The following OTULINL variants were observed in gnomAD, a reference collection of about 807,000 sequenced individuals.
OTULINL encodes the protein inactive ubiquitin thioesterase OTULINL.
A neutral mutation model predicts 43.9 loss-of-function variants in OTULINL; 42 were observed. That is an observed-to-expected ratio of 0.96 (90% CI 0.75 to 1.24). The LOEUF (loss-of-function observed/expected upper bound fraction) is 1.24. OTULINL is among the 50% of genes most tolerant of loss of function. OTULINL has a pLI of 0.00. For missense variants in OTULINL, 411 were observed against 426.4 expected (o/e 0.96, Z 0.32); for synonymous variants, 172 against 153.6 (o/e 1.12, Z -0.88).
At chr5:14,582,931 C>A (rs1250823438) in intron 1 of OTULINL, among the ~76,000 whole-genome samples, 1 of 151,950 alleles carries the variant, frequency 6.6e-6, no homozygotes, top group Non-Finnish European at 1.5e-5. Context: ...GGGGTCCTCT[C>A]CTAACCAGCC....
chr5:14,595,090 C>T (rs1227273591), intron 1 of OTULINL, among the ~76,000 whole-genome samples: 4 of 152,158 alleles, frequency 2.6e-5, no homozygotes, highest in African/African-American at 7.2e-5. Context: ...ACTTTCTCTG[C>T]GACCTCAGAC....
At chr5:14,602,358 G>C in intron 5 of OTULINL, 26 bp downstream of exon 5, 2 of 1,604,300 alleles carry the variant, frequency 1.2e-6, no homozygotes, top group Non-Finnish European at 1.7e-6. Flanking sequence ...GGAAATGTGG[G>C]AAATGTCATG....
chr5:14,604,161 A>G (rs1174615005), intron 5 of OTULINL, among the ~76,000 whole-genome samples: 1 of 152,150 alleles, frequency 6.6e-6, no homozygotes, highest in African/African-American at 2.4e-5. Flanking sequence ...GCAAGACTCC[A>G]TCTTGCCAAA....
At chr5:14,602,145 T>C in intron 4 of OTULINL, 38 bp from the exon 5 acceptor site, 1 of 1,506,250 alleles carries the variant, frequency 6.6e-7, no homozygotes, top group South Asian at 1.3e-5. Flanking sequence ...TCTTGTCCAG[T>C]GGAATTAATA....
At chr5:14,599,911 A>G (rs1210398637) in intron 1 of OTULINL, among the ~76,000 whole-genome samples, 2 of 152,208 alleles carry the variant, frequency 1.3e-5, no homozygotes, top group Admixed American at 1.3e-4. Flanking sequence ...TAAGTGGTCT[A>G]CTTTCTGGAA....
intron 1 of OTULINL, among the ~76,000 whole-genome samples, chr5:14,594,211 C>T (rs941829075): frequency 2.6e-5 from 4 of 152,188 alleles, no homozygotes; most frequent in African/African-American, 9.7e-5. Context: ...CACTGCTGTG[C>T]TAACTTCTAG....
chr5:14,595,779 C>G (rs1219671949), intron 1 of OTULINL, among the ~76,000 whole-genome samples: 1 of 150,218 alleles, frequency 6.7e-6, no homozygotes, highest in Non-Finnish European at 1.5e-5. Context: ...GGTATAATTC[C>G]TCTAGGACAT....
chr5:14,614,670 A>T lies in OTULINL; in HGVS notation c.*4356A>T, dbSNP rs1185199325. 5.0e-6 allele frequency: 2 copies of T among 398,512 alleles called. No homozygotes were observed. The highest frequency in any genetic ancestry group is 8.8e-6 in the Non-Finnish European group (2 of 226,080). The allele number at this position is 398,512 out of a possible 1,614,324, so 24.7% of individuals were successfully genotyped here. A position where few individuals can be genotyped will look rare whatever the true frequency, so the allele number is the denominator to read the frequency against. ...TGTAGAACAGCCCGAAGTGTACACC[A>T]TGTCTCTGCACTTGAAGCTCATGGA... is the stretch of plus-strand genomic sequence containing the variant. On this transcript the variant is annotated 3_prime_UTR_variant, in exon 8 of 8. Transcript: ENST00000274217.
rs147638983 is a variant in OTULINL at position 14,609,302 on chromosome 5, C to T, written c.897+285C>T. Among the ~76,000 whole-genome samples, 200 of 152,254 alleles carry T rather than the reference C, an allele frequency of 1.3e-3. 2 individuals carry two copies. The highest frequency in any genetic ancestry group is 4.7e-3 in the African/African-American group (194 of 41,562). On this transcript the variant is annotated intron_variant, in intron 7 of 7. Transcript: ENST00000274217. ...ATGCCAACAGGTTCTCTCACATAGA[C>T]GTTCACCAGGAAAAAGTCCAGGTGG... is the stretch of plus-strand genomic sequence containing the variant.
rs892695664 is a variant in OTULINL at position 14,608,783 on chromosome 5, G to A, written c.663G>A (p.Lys221=). The A allele has an allele frequency of 3.1e-6, 5 of 1,611,800 alleles. No homozygotes were observed. In the African/African-American group the frequency reaches 6.7e-5, roughly 22 times the overall value. ...TEFNGIRDYH[K]RGSMCNTLFS... ...TTAATGGCATTAGAGATTATCACAA[G>A]AGAGGAAGTATGTGCAACACCCTTT... The change falls in exon 7 of 8, where the codon AAG becomes AAA. Residue 221 remains lysine (K), a synonymous_variant. Coordinates refer to ENST00000274217, the MANE Select transcript of OTULINL (RefSeq NM_019018.3).
chr5:14,610,131 T>C lies in OTULINL; in HGVS notation c.898-10T>C. 6.2e-7 allele frequency: 1 copy of C among 1,608,570 alleles called. No individual in the cohort carries two copies. Among genetic ancestry groups the C allele is most frequent in the Admixed American group, 1.7e-5 (1 of 59,910 alleles). On this transcript the variant is annotated splice_polypyrimidine_tract_variant and intron_variant, in intron 7 of 7. Coordinates refer to ENST00000274217, the MANE Select transcript of OTULINL (RefSeq NM_019018.3). ...GTGTATCTGTGACCTGTCTTTCATC[T>C]CATCCACAGATTGATATGTTTATAC...
chr5:14,582,884 G>T (rs1377996292), intron 1 of OTULINL, among the ~76,000 whole-genome samples: 1 of 151,438 alleles, frequency 6.6e-6, no homozygotes, highest in Non-Finnish European at 1.5e-5. Context: ...TCAGTCAGGT[G>T]CTGGGTCTCG....
At position 14,614,076 on chromosome 5, in the gene OTULINL, G is replaced by A. The variant is rs1323560986; in HGVS notation, c.*3762G>A. ...TATATGCAAGCATGAATAAAGGGTT[G>A]ACTAATTCCAGAATTAGCAATAATT... On this transcript the variant is annotated 3_prime_UTR_variant, in exon 8 of 8. Coordinates refer to ENST00000274217, the MANE Select transcript of OTULINL (RefSeq NM_019018.3). Among the ~76,000 whole-genome samples the A allele has an allele frequency of 2.6e-5, 4 of 152,148 alleles. No individual in the cohort carries two copies. Among genetic ancestry groups the A allele is most frequent in the Non-Finnish European group, 5.9e-5 (4 of 68,018 alleles).
Position 14,581,842 on chromosome 5 carries a change from G to A in OTULINL, c.-53G>A. ...CGGCGGGCGGCCGTCGCGTCTGACAGACCACTGCAGACCACGGGCCGAGGC... is the reference window on the plus strand; with the variant it reads ...CGGCGGGCGGCCGTCGCGTCTGACAAACCACTGCAGACCACGGGCCGAGGC... On this transcript the variant is annotated 5_prime_UTR_variant, in exon 1 of 8. Coordinates refer to ENST00000274217, the MANE Select transcript of OTULINL (RefSeq NM_019018.3). 7.5e-7 allele frequency: 1 copy of A among 1,335,176 alleles called. No individual in the cohort carries two copies. Among genetic ancestry groups the A allele is most frequent in the Non-Finnish European group, 9.6e-7 (1 of 1,042,414 alleles). The allele number at this position is 1,335,176 out of a possible 1,614,324, so 82.7% of individuals were successfully genotyped here.
chr5:14,585,235 A>G (rs2126768231), intron 1 of OTULINL, among the ~76,000 whole-genome samples: 1 of 152,118 alleles, frequency 6.6e-6, no homozygotes, highest in South Asian at 2.1e-4. Flanking sequence ...TGTCGAGAGA[A>G]ATATTTCCCT....
At chr5:14,593,551 C>T (rs1389548262) in intron 1 of OTULINL, among the ~76,000 whole-genome samples, 1 of 152,212 alleles carries the variant, frequency 6.6e-6, no homozygotes, top group Non-Finnish European at 1.5e-5. Context: ...TTCTGTGACT[C>T]CACGGGGAAG....
At chr5:14,587,529 G>A (rs1395350852) in intron 1 of OTULINL, among the ~76,000 whole-genome samples, 1 of 152,198 alleles carries the variant, frequency 6.6e-6, no homozygotes, top group Non-Finnish European at 1.5e-5. Context: ...TGGCTGCTCA[G>A]CTTGAAATGG....
chr5:14,610,280 A>G lies in OTULINL; in HGVS notation c.1037A>G (p.Glu346Gly). The change falls in exon 8 of 8, where the codon GAG becomes GGG. Residue 346 changes from glutamate (E) to glycine (G), a missense_variant. Coordinates refer to ENST00000274217, the MANE Select transcript of OTULINL (RefSeq NM_019018.3). ...TGGCCGGAGATCTCCCTGCTGACCG[A>G]GAACGACCGCCACTACCACATTCCA... Reference protein sequence around the residue: ...RDWPEISLLTENDRHYHIPVF With the variant: ...RDWPEISLLTGNDRHYHIPVF 1 of 1,612,648 alleles carries G rather than the reference A, an allele frequency of 6.2e-7. No individual in the cohort carries two copies. Among genetic ancestry groups the G allele is most frequent in the Non-Finnish European group, 8.5e-7 (1 of 1,179,456 alleles).
Position 14,599,039 on chromosome 5 carries a change from A to G in OTULINL, c.65-1926A>G, listed in dbSNP as rs530870764. ...CTAAATTATAGATGTAAAAGGCAAT[A>G]TAGCATTACATTTTTAAGCTTTCAT... On this transcript the variant is annotated intron_variant, in intron 1 of 7. Transcript: ENST00000274217. Among the ~76,000 whole-genome samples the G allele has an allele frequency of 1.2e-4, 18 of 152,366 alleles. No homozygotes were observed. The South Asian group carries it at 3.5e-3, about 30-fold the overall frequency.
Sources: allele counts gnomAD v4.1 joint callset (sites outside exome capture counted in the v4.1 genomes callset), GRCh38; gene constraint gnomAD v4.1.1; transcripts MANE v1.5; gene names NCBI Gene and HGNC (gene_info 2026-07-23, HGNC 2026-07-21).